Variants in HHIPL1 observed in about 807,000 individuals in gnomAD.
HHIPL1 encodes HHIP like 1, also known as HHIP-like protein 1.
HHIPL1 carries 43 observed loss-of-function variants against 61.8 expected under a neutral mutation model. The ratio of observed to expected loss-of-function variants is 0.70; its 90% CI spans 0.55 to 0.90. The LOEUF is 0.90. Among genes scored for constraint, HHIPL1 ranks in the 40% least tolerant of loss-of-function variants. The pLI is 0.00. For missense variants in HHIPL1, 1,056 were observed against 1,157.7 expected (o/e 0.91, Z 1.28); for synonymous variants, 482 against 515.8 (o/e 0.93, Z 0.89).
chr14:99,634,841 T>C, the HHIPL1 span, among the ~76,000 whole-genome samples: 2 of 152,094 alleles, frequency 1.3e-5, no homozygotes, highest in East Asian at 3.9e-4. Flanking sequence ...AGTGCTGTTG[T>C]TTTTCATTGG....
rs754501639 is a variant in HHIPL1 at position 99,654,188 on chromosome 14, C to CAAAAAA, written c.902+1333_902+1338dup. On this transcript the variant is annotated intron_variant, in intron 2 of 8. Coordinates refer to ENST00000330710, the MANE Select transcript of HHIPL1 (RefSeq NM_001127258.3). ...TGGATGACAGAGCAAGACTCTGTCTCAAAAAAAAAAAAAAAAAAAAGAAAA... is the reference window on the plus strand; with the variant it reads ...TGGATGACAGAGCAAGACTCTGTCTCAAAAAAAAAAAAAAAAAAAAAAAAAAGAAAA... Among the ~76,000 whole-genome samples the CAAAAAA allele has an allele frequency of 5.6e-5, 5 of 89,986 alleles. 1 individual carries two copies. The highest frequency in any genetic ancestry group is 1.3e-4 in the Admixed American group (1 of 7,984). The allele number at this position is 89,986 out of a possible 152,430, so 59.0% of individuals were successfully genotyped here. A position where few individuals can be genotyped will look rare whatever the true frequency, so the allele number is the denominator to read the frequency against.
intron 6 of HHIPL1, among the ~76,000 whole-genome samples, 187 bp downstream of exon 6, chr14:99,663,208 C>T (rs182934117): frequency 6.6e-6 from 1 of 152,246 alleles, no homozygotes; most frequent in East Asian, 1.9e-4. Flanking sequence ...CAATCCAGGG[C>T]CCAAGAGAGG....
chr14:99,655,651 T>G (rs954524993), intron 2 of HHIPL1, among the ~76,000 whole-genome samples: 1 of 151,858 alleles, frequency 6.6e-6, no homozygotes, highest in Non-Finnish European at 1.5e-5. Flanking sequence ...AAGAAGGGAT[T>G]GAGAAATCAG....
At chr14:99,637,260 G>GAA in the HHIPL1 span, among the ~76,000 whole-genome samples, 1 of 145,376 alleles carries the variant, frequency 6.9e-6, no homozygotes, top group Admixed American at 6.8e-5. Flanking sequence ...AAGAAAGAAA[G>GAA]AAAGAAAAAG....
the HHIPL1 span, among the ~76,000 whole-genome samples, chr14:99,619,589 T>TGCTTGCCC: frequency 3.5e-4 from 54 of 152,130 alleles, 1 homozygote; most frequent in South Asian, 2.1e-4. Flanking sequence ...GTCCCCTACC[T>TGCTTGCCC]AGAGATGGAA....
chr14:99,617,397 A>G, the HHIPL1 span, among the ~76,000 whole-genome samples: 3 of 152,212 alleles, frequency 2.0e-5, no homozygotes, highest in Non-Finnish European at 2.9e-5. Flanking sequence ...TGTCACCATG[A>G]GAAAGCAACA....
At chr14:99,628,777 C>G in the HHIPL1 span, among the ~76,000 whole-genome samples, 1 of 152,076 alleles carries the variant, frequency 6.6e-6, no homozygotes, top group African/African-American at 2.4e-5. Flanking sequence ...TTCTAGCTTC[C>G]TGTGTGGCCT....
In HHIPL1 at chr14:99,660,283, A is replaced by T. The variant is rs1362394670; in HGVS notation, c.1379A>T (p.Asp460Val). 6.2e-7 allele frequency: 1 copy of T among 1,613,658 alleles called. No homozygotes were observed. The highest frequency in any genetic ancestry group is 8.5e-7 in the Non-Finnish European group (1 of 1,179,918). Residue 460 changes from aspartate (D) to valine (V), a missense_variant, in exon 5 of 9, where the codon GAC becomes GTC. Asp to Val is a radical substitution (Grantham distance 152). Coordinates refer to ENST00000330710, the MANE Select transcript of HHIPL1 (RefSeq NM_001127258.3). This position sits in a 1 kb window ranked among gnomAD's most constrained non-coding sequence, Gnocchi z 4.9. ...RSLCANTSLN[D>V]LLPIFAYPHT... ...TTCTCTCCCTCCCACCCCGCAGATG[A>T]CTTGCTGCCGATTTTCGCCTACCCG... is the stretch of plus-strand genomic sequence containing the variant.
intron 1 of HHIPL1, among the ~76,000 whole-genome samples, chr14:99,650,527 G>A (rs1471648055): frequency 3.9e-5 from 6 of 152,224 alleles, no homozygotes; most frequent in Admixed American, 3.9e-4. Flanking sequence ...GTGGTGTGGG[G>A]ACACTTAACT....
rs577592012 is a variant in HHIPL1, at chr14:99,671,346, G to A, written c.1731-971G>A. ...AAGCCCCACTGGGTCTGTCTGAAGT[G>A]TGTGGATGTTCTCTGGAGGTCAGAG... On this transcript the variant is annotated intron_variant, in intron 7 of 8. Coordinates refer to ENST00000330710, the MANE Select transcript of HHIPL1 (RefSeq NM_001127258.3). 9.2e-5 allele frequency among the ~76,000 whole-genome samples: 14 copies of A among 152,312 alleles called. No individual in the cohort carries two copies. The East Asian group carries it at 2.5e-3, about 27-fold the overall frequency.
At chr14:99,656,776 A>AC (rs2056034923) in intron 2 of HHIPL1, among the ~76,000 whole-genome samples, 2 of 4,936 alleles carry the variant, frequency 4.1e-4, no homozygotes, top group African/African-American at 4.3e-4. Flanking sequence ...CTCTGTCTGC[A>AC]AAAAGAAAAG....
rs113659539 is a variant in HHIPL1 at position 99,664,131 on chromosome 14, G to C, written c.1648+1110G>C. ...CTCCTGCTTTTGTCCTTGGCCCCGG[G>C]TTGTTCCTGGACAAAAGCCCAGGGG... On this transcript the variant is annotated intron_variant, in intron 6 of 8. Transcript: ENST00000330710. Among the ~76,000 whole-genome samples the C allele has an allele frequency of 9.0e-3, 1,373 of 152,300 alleles. 10 individuals are homozygous for C. Among genetic ancestry groups the C allele is most frequent in the Non-Finnish European group, 0.015 (1,018 of 68,018 alleles).
At chr14:99,642,613 C>A (rs962126310), upstream of HHIPL1, among the ~76,000 whole-genome samples, 4 of 151,942 alleles carry the variant, frequency 2.6e-5, no homozygotes, top group African/African-American at 9.7e-5. Context: ...GCAAGTTCCG[C>A]CTCCTGGGTT....
At chr14:99,645,538 G>T in intron 1 of HHIPL1, 76 bp downstream of exon 1, 1 of 1,229,936 alleles carries the variant, frequency 8.1e-7, no homozygotes, top group East Asian at 3.4e-5. Flanking sequence ...GAACCCCGCG[G>T]GGGCGAGGGC....
At chr14:99,636,207 T>C in the HHIPL1 span, among the ~76,000 whole-genome samples, 4 of 152,070 alleles carry the variant, frequency 2.6e-5, no homozygotes, top group Admixed American at 2.6e-4. Flanking sequence ...TCATGGAGGC[T>C]TCGGAATACT....
the HHIPL1 span, among the ~76,000 whole-genome samples, chr14:99,612,726 T>G: frequency 9.2e-5 from 14 of 152,114 alleles, no homozygotes; most frequent in Admixed American, 3.3e-4. Flanking sequence ...GGTGCCCTCC[T>G]GGAGGATTAA....
At chr14:99,637,033 A>AAGAGAG in the HHIPL1 span, among the ~76,000 whole-genome samples, 107 of 130,868 alleles carry the variant, frequency 8.2e-4, 4 homozygotes, top group African/African-American at 2.8e-3. Context: ...GAAAGAAAGA[A>AAGAGAG]AGAAAGAAAG....
the HHIPL1 span, among the ~76,000 whole-genome samples, chr14:99,616,362 G>A: frequency 3.0e-4 from 45 of 152,322 alleles, no homozygotes; most frequent in African/African-American, 1.0e-3. Flanking sequence ...TAAGTGACAC[G>A]TGACTGTAGC....
chr14:99,613,753 A>G, the HHIPL1 span, among the ~76,000 whole-genome samples: 12 of 151,820 alleles, frequency 7.9e-5, no homozygotes, highest in African/African-American at 2.4e-4. Context: ...TACTAAAAAT[A>G]CAAAAAAATT....
Sources: gnomAD v4.1 joint callset for allele counts (sites outside exome capture counted in the v4.1 genomes callset) on GRCh38, gnomAD v4.1.1 for gene constraint, Gnocchi (gnomAD v3.1) non-coding constraint, MANE v1.5 for transcripts, NCBI Gene and HGNC (gene_info 2026-07-23, HGNC 2026-07-21) for gene names.